The following ADAMTS17 variants were observed in gnomAD, a reference collection of about 807,000 sequenced individuals.
ADAMTS17 encodes A disintegrin and metalloproteinase with thrombospondin motifs 17.
Under a neutral mutation model 141.5 loss-of-function variants are expected in ADAMTS17, and 113 were observed. The ratio of observed to expected loss-of-function variants is 0.80; its 90% CI spans 0.69 to 0.93. The LOEUF (loss-of-function observed/expected upper bound fraction) is 0.93. Among genes scored for constraint, ADAMTS17 ranks in the 40% least tolerant of loss-of-function variants. The probability of loss-of-function intolerance (pLI) is 0.00; values close to 1 mark genes in which losing one functional copy is unlikely to be tolerated. For synonymous variants in ADAMTS17, 768 were observed against 630.6 expected, an observed-to-expected ratio of 1.22 and a Z score of -3.27; for missense variants, 1,659 against 1,517.9, an observed-to-expected ratio of 1.09 and a Z score of -1.54.
chr15:100,012,677 C>T (rs563116137), intron 18 of ADAMTS17, among the ~76,000 whole-genome samples: 103 of 152,220 alleles, frequency 6.8e-4, no homozygotes, highest in African/African-American at 2.3e-3. Flanking sequence ...TTTGCTTTGT[C>T]GAAGATCAGT....
rs2046357553 is a variant in ADAMTS17, at chr15:100,341,276, G to A, written c.213C>T (p.Ala71=). Residue 71 remains alanine (A), a synonymous_variant, in exon 2 of 22, where the codon GCC becomes GCT. Transcript: ENST00000268070. ...RRRRPRTPPA[A]PRARPGERAL... ...CGCGCTCTCCGGGCCGGGCGCGCGG[G>A]GCGGCTGGGGGCGTGCGGGGGCGTC... 1.7e-6 allele frequency: 2 copies of A among 1,177,542 alleles called. No individual in the cohort carries two copies. Among genetic ancestry groups the A allele is most frequent in the South Asian group, 3.7e-5 (1 of 26,692 alleles). The allele number at this position is 1,177,542 out of a possible 1,614,324, so 72.9% of individuals were successfully genotyped here.
chr15:100,081,702 A>G (rs1459993784), intron 15 of ADAMTS17, among the ~76,000 whole-genome samples: 1 of 152,242 alleles, frequency 6.6e-6, no homozygotes, highest in Non-Finnish European at 1.5e-5. Flanking sequence ...ATACGAGAGT[A>G]AACGTTTACT....
intron 3 of ADAMTS17, among the ~76,000 whole-genome samples, chr15:100,321,244 T>G (rs948791912): frequency 3.4e-4 from 51 of 151,650 alleles, no homozygotes; most frequent in Admixed American, 9.2e-4. Flanking sequence ...AAGGGGAAAT[T>G]TTTTTTAAAA....
intron 10 of ADAMTS17, among the ~76,000 whole-genome samples, chr15:100,136,250 A>T (rs565363753): frequency 1.9e-4 from 29 of 150,056 alleles, no homozygotes; most frequent in Admixed American, 1.3e-3. Flanking sequence ...ATTTACATAC[A>T]GTTTAACAAC....
chr15:100,292,270 G>A (rs559604611), intron 3 of ADAMTS17, among the ~76,000 whole-genome samples: 187 of 145,130 alleles, frequency 1.3e-3, no homozygotes, highest in African/African-American at 4.6e-3. Context: ...GAGACGCTCA[G>A]CCCGTGAGAA....
intron 4 of ADAMTS17, among the ~76,000 whole-genome samples, chr15:100,278,160 T>C (rs1039322398): frequency 6.6e-6 from 1 of 151,804 alleles, no homozygotes; most frequent in African/African-American, 2.4e-5. Context: ...AGGGGGAAGA[T>C]AGTGTTTAAT....
At chr15:100,112,662 T>C (rs2036860121) in intron 13 of ADAMTS17, among the ~76,000 whole-genome samples, 2 of 152,128 alleles carry the variant, frequency 1.3e-5, no homozygotes, top group South Asian at 2.1e-4. Flanking sequence ...TTAAAAGTTA[T>C]ACAACCACAC....
At chr15:100,168,097 G>A (rs998980709) in intron 8 of ADAMTS17, among the ~76,000 whole-genome samples, 10 of 152,172 alleles carry the variant, frequency 6.6e-5, no homozygotes, top group African/African-American at 1.9e-4. Flanking sequence ...TCAAGTCTGC[G>A]GCGGGCCTTC....
intron 21 of ADAMTS17, among the ~76,000 whole-genome samples, chr15:99,974,876 C>A (rs1298532910): frequency 6.6e-6 from 1 of 152,218 alleles, no homozygotes; most frequent in African/African-American, 2.4e-5. Flanking sequence ...CCAAGGGTAC[C>A]ATTACTGTAG....
In ADAMTS17 at chr15:99,984,639, T is replaced by G. The variant is rs562011394; in HGVS notation, c.2949+8409A>C. On this transcript the variant is annotated intron_variant, in intron 20 of 21. Coordinates refer to ENST00000268070, the MANE Select transcript of ADAMTS17 (RefSeq NM_139057.4). ...GCCATTCACTCCTCAATCAGCCCTA[T>G]GAGGGCTACCCCTAAACTCATCTGA... 5.9e-5 allele frequency among the ~76,000 whole-genome samples: 9 copies of G among 152,320 alleles called. No homozygotes were observed. The East Asian group carries it at 1.5e-3, about 26-fold the overall frequency.
chr15:100,054,145 G>C, intron 15 of ADAMTS17, 91 bp from the exon 16 acceptor site: 4 of 1,467,124 alleles, frequency 2.7e-6, no homozygotes, highest in East Asian at 4.5e-5. Context: ...CCCTGAGTGG[G>C]GCAGAGGTCT....
At chr15:100,044,332 C>T (rs1000528702) in intron 18 of ADAMTS17, among the ~76,000 whole-genome samples, 1 of 152,222 alleles carries the variant, frequency 6.6e-6, no homozygotes, top group African/African-American at 2.4e-5. Flanking sequence ...CCACAGGTAA[C>T]TGAGTCTTGC....
intron 3 of ADAMTS17, among the ~76,000 whole-genome samples, chr15:100,305,044 C>G: frequency 6.6e-6 from 1 of 152,216 alleles, no homozygotes; most frequent in East Asian, 1.9e-4. Context: ...GACTTCCAGT[C>G]AAGCGCAGCC....
chr15:100,114,831 G>C (rs571062620), intron 13 of ADAMTS17, among the ~76,000 whole-genome samples: 3 of 152,294 alleles, frequency 2.0e-5, no homozygotes, highest in Non-Finnish European at 4.4e-5. Flanking sequence ...GTGGTGATAA[G>C]GCAACGAAAC....
At chr15:100,333,232 G>T (rs929276268) in intron 2 of ADAMTS17, among the ~76,000 whole-genome samples, 2 of 152,096 alleles carry the variant, frequency 1.3e-5, no homozygotes, top group Non-Finnish European at 2.9e-5. Context: ...TTCCACTGAG[G>T]CAAGATCAGA....
At chr15:100,246,899 T>TTTATTTA (rs2043005358) in intron 7 of ADAMTS17, among the ~76,000 whole-genome samples, 1 of 71,872 alleles carries the variant, frequency 1.4e-5, no homozygotes, top group Non-Finnish European at 2.9e-5. Context: ...TTATTTATTT[T>TTTATTTA]TTGAGACAAT....
chr15:100,327,490 G>GA (rs1032762233), intron 3 of ADAMTS17, among the ~76,000 whole-genome samples: 5 of 152,156 alleles, frequency 3.3e-5, no homozygotes, highest in African/African-American at 1.2e-4. Flanking sequence ...AAGGCCAAGG[G>GA]AAAATCACTC....
At chr15:100,218,168 C>T (rs951299674) in intron 7 of ADAMTS17, among the ~76,000 whole-genome samples, 6 of 152,162 alleles carry the variant, frequency 3.9e-5, no homozygotes, top group African/African-American at 4.8e-5. Context: ...CCACTGCACT[C>T]GGCCAAACAG....
chr15:100,315,147 TGGAGGCCG>T (rs1019615360), intron 3 of ADAMTS17, among the ~76,000 whole-genome samples: 1 of 152,218 alleles, frequency 6.6e-6, no homozygotes, highest in Non-Finnish European at 1.5e-5. Context: ...AATGCTGGGC[TGGAGGCCG>T]GGAGGCAGGC....
Sources: allele counts gnomAD v4.1 joint callset (sites outside exome capture counted in the v4.1 genomes callset), GRCh38; gene constraint gnomAD v4.1.1; transcripts MANE v1.5; gene names NCBI Gene and HGNC (gene_info 2026-07-23, HGNC 2026-07-21).